SULF1: variants seen among roughly 807,000 people sequenced by gnomAD.
SULF1 encodes the protein sulfatase 1.
Under a neutral mutation model 110.5 loss-of-function variants are expected in SULF1, and 46 were observed. That is an observed-to-expected ratio of 0.42 (90% confidence interval 0.33 to 0.53). The LOEUF is 0.53. SULF1 is among the 20% of genes least tolerant of loss of function. The probability of loss-of-function intolerance (pLI) is 0.12; values close to 1 mark genes in which losing one functional copy is unlikely to be tolerated. For synonymous variants in SULF1, 371 were observed against 387.1 expected, an observed-to-expected ratio of 0.96 and a Z score of 0.49; for missense variants, 941 against 1,094.2, an observed-to-expected ratio of 0.86 and a Z score of 1.98.
In SULF1 at chr8:69,544,269, T is replaced by G. The variant is rs180671002; in HGVS notation, c.-133-19270T>G. Among the ~76,000 whole-genome samples the G allele has an allele frequency of 6.4e-4, 98 of 152,186 alleles. 1 individual carries two copies. The highest frequency in any genetic ancestry group is 6.2e-3 in the Admixed American group (94 of 15,276). On this transcript the variant is annotated intron_variant, in intron 3 of 22. Transcript: ENST00000402687. ...AACAAATGTTTTTTTTTGTTTGTTT[T>G]TTTGTTTGTTTTTTTTTGAGATGGA...
chr8:69,616,206 G>C (rs1187705720), intron 13 of SULF1, among the ~76,000 whole-genome samples: 2 of 137,474 alleles, frequency 1.5e-5, no homozygotes, highest in Non-Finnish European at 3.1e-5. Context: ...ATATATATGT[G>C]TGTGTATATA....
intron 15 of SULF1, among the ~76,000 whole-genome samples, chr8:69,625,797 A>C (rs1256439410): frequency 6.6e-6 from 1 of 152,170 alleles, no homozygotes; most frequent in African/African-American, 2.4e-5. Flanking sequence ...ACCCAGGCAG[A>C]TTGCCACTGC....
At chr8:69,638,896 A>AAAAT in intron 21 of SULF1, 38 bp downstream of exon 21, 2 of 1,582,810 alleles carry the variant, frequency 1.3e-6, no homozygotes, top group Non-Finnish European at 1.7e-6. Flanking sequence ...TTTTACCTGG[A>AAAAT]AAATTCTTTG....
At chr8:69,489,696 C>G (rs911192662), upstream of SULF1, among the ~76,000 whole-genome samples, 17 of 151,464 alleles carry the variant, frequency 1.1e-4, no homozygotes, top group African/African-American at 4.1e-4. Context: ...CCTACCTCAG[C>G]CTCCCAAGTA....
intron 3 of SULF1, among the ~76,000 whole-genome samples, chr8:69,546,703 T>G (rs1467211100): frequency 6.6e-6 from 1 of 152,246 alleles, no homozygotes; most frequent in African/African-American, 2.4e-5. Context: ...TGTAGACATA[T>G]TGTTACCAAA....
At position 69,586,866 on chromosome 8, in the gene SULF1, C is replaced by T. The variant is rs143854491; in HGVS notation, c.564+358C>T. ...TCATCTTGTACTGTTTTACTTTTCA[C>T]TGGGACAAAAGTATATTTTGTCTGT... is the stretch of plus-strand genomic sequence containing the variant. On this transcript the variant is annotated intron_variant, in intron 7 of 22. Coordinates refer to ENST00000402687, the MANE Select transcript of SULF1 (RefSeq NM_001128205.2). Among the ~76,000 whole-genome samples the T allele has an allele frequency of 3.5e-3, 533 of 152,320 alleles. 2 individuals are homozygous for T. The highest frequency in any genetic ancestry group is 0.012 in the African/African-American group (515 of 41,564).
At chr8:69,541,263 T>C (rs1296700054) in intron 3 of SULF1, among the ~76,000 whole-genome samples, 1 of 152,198 alleles carries the variant, frequency 6.6e-6, no homozygotes, top group Admixed American at 6.5e-5. Flanking sequence ...ATGGCCCTGC[T>C]TGTGAGACCG....
At chr8:69,581,607 A>G (rs1481978516) in intron 6 of SULF1, among the ~76,000 whole-genome samples, 1 of 152,244 alleles carries the variant, frequency 6.6e-6, no homozygotes, top group Admixed American at 6.5e-5. Context: ...TGAATTGCCA[A>G]TGCCGAAGGA....
chr8:69,485,660 G>A (rs1331092938), intron 1 of SULF1, among the ~76,000 whole-genome samples: 1 of 152,192 alleles, frequency 6.6e-6, no homozygotes, highest in Non-Finnish European at 1.5e-5. Context: ...CAGTCGGCTT[G>A]TGTCCAGGGT....
At chr8:69,513,300 T>C (rs909424757) in intron 3 of SULF1, among the ~76,000 whole-genome samples, 2 of 152,184 alleles carry the variant, frequency 1.3e-5, no homozygotes, top group Non-Finnish European at 2.9e-5. Flanking sequence ...TGTTTGAATA[T>C]CTAAAAGACT....
chr8:69,533,914 C>A (rs1813270627), intron 3 of SULF1, among the ~76,000 whole-genome samples: 1 of 151,902 alleles, frequency 6.6e-6, no homozygotes, highest in Admixed American at 6.6e-5. Context: ...ATCCCTTAAA[C>A]AAAGTTAAAA....
Position 69,481,046 on chromosome 8 carries a change from A to C in SULF1, c.-391+14096A>C, listed in dbSNP as rs1809500039. 2.0e-5 allele frequency among the ~76,000 whole-genome samples: 3 copies of C among 152,086 alleles called. No individual in the cohort carries two copies. In the South Asian group the frequency reaches 6.2e-4, roughly 32 times the overall value. On this transcript the variant is annotated intron_variant, in intron 1 of 22. Coordinates refer to the SULF1 transcript ENST00000260128. ...AAAACTTAAAGTATAATAATAATAAAATAAAAATAAAAATAAAAGTTTTGT... is the reference window on the plus strand; with the variant it reads ...AAAACTTAAAGTATAATAATAATAACATAAAAATAAAAATAAAAGTTTTGT...
Position 69,576,008 on chromosome 8 carries a change from G to A in SULF1, c.211G>A (p.Glu71Lys), listed in dbSNP as rs1805583995. ...QVMNKTRKIM[E>K]HGGATFINAF... ...CATGAACAAAACGAGAAAGATTATGGAACATGGGGGGGCCACCTTCATCAA... is the reference window on the plus strand; with the variant it reads ...CATGAACAAAACGAGAAAGATTATGAAACATGGGGGGGCCACCTTCATCAA... The change falls in exon 6 of 23, where the codon GAA (glutamate) becomes AAA (lysine). Residue 71 changes from glutamate to lysine, a missense_variant. Transcript: ENST00000402687. 2.5e-6 allele frequency: 4 copies of A among 1,613,960 alleles called. No individual in the cohort carries two copies. Among genetic ancestry groups the A allele is most frequent in the Non-Finnish European group, 2.5e-6 (3 of 1,179,980 alleles).
At chr8:69,550,141 A>G (rs1052508377) in intron 3 of SULF1, among the ~76,000 whole-genome samples, 3 of 151,606 alleles carry the variant, frequency 2.0e-5, no homozygotes, top group Non-Finnish European at 4.4e-5. Context: ...TAGAGTGTAA[A>G]TGCACTTCAA....
At position 69,576,267 on chromosome 8, in the gene SULF1, G is replaced by T. The variant is rs866449131; in HGVS notation, c.412+58G>T. On this transcript the variant is annotated intron_variant, in intron 6 of 22. Coordinates refer to ENST00000402687, the MANE Select transcript of SULF1 (RefSeq NM_001128205.2). ...TTGTAATATGTCTTAGACTCAGGAA[G>T]AAGTGTCATGTAATGAAATGCATGA... 12 of 1,549,220 alleles carry T rather than the reference G, an allele frequency of 7.7e-6. No individual in the cohort carries two copies. In the Middle Eastern group the frequency reaches 1.0e-3, roughly 133 times the overall value.
At chr8:69,621,850 T>C (rs146399059) in intron 14 of SULF1, among the ~76,000 whole-genome samples, 12 of 152,356 alleles carry the variant, frequency 7.9e-5, no homozygotes, top group South Asian at 2.1e-4. Context: ...ATTATATAAA[T>C]GTGAAAATCC....
At chr8:69,616,519 A>C (rs769692532) in intron 13 of SULF1, among the ~76,000 whole-genome samples, 12 of 152,100 alleles carry the variant, frequency 7.9e-5, no homozygotes, top group Non-Finnish European at 1.8e-4. Flanking sequence ...CTCCTGCCTC[A>C]GCCTCCCAAG....
rs139674434 is a variant in SULF1 at position 69,468,786 on chromosome 8, C to T, written c.-391+1836C>T. 7.5e-3 allele frequency among the ~76,000 whole-genome samples: 1,145 copies of T among 152,292 alleles called. 14 individuals carry two copies. Among genetic ancestry groups the T allele is most frequent in the Non-Finnish European group, 0.013 (884 of 68,022 alleles). On this transcript the variant is annotated intron_variant, in intron 1 of 22. Coordinates refer to the SULF1 transcript ENST00000260128. Reference sequence around the variant, plus strand: ...ATTTTTCACTACTGCAGAAATATTTCACAAGAAAGTCAAGTGCCTCCTCAC... The same window carrying T: ...ATTTTTCACTACTGCAGAAATATTTTACAAGAAAGTCAAGTGCCTCCTCAC...
At chr8:69,611,425 C>T (rs1254263483) in intron 13 of SULF1, among the ~76,000 whole-genome samples, 1 of 151,940 alleles carries the variant, frequency 6.6e-6, no homozygotes, top group Admixed American at 6.6e-5. Flanking sequence ...TTCTGTTTTC[C>T]GTCCCCCTCT....
Sources: gnomAD v4.1 joint callset for allele counts (sites outside exome capture counted in the v4.1 genomes callset) on GRCh38, gnomAD v4.1.1 for gene constraint, MANE v1.5 for transcripts, NCBI Gene and HGNC (gene_info 2026-07-23, HGNC 2026-07-21) for gene names.